RASGRF1: variants seen among roughly 807,000 people sequenced by gnomAD.
RASGRF1 encodes Ras protein specific guanine nucleotide releasing factor 1, also known as ras-specific guanine nucleotide-releasing factor 1.
Under a neutral mutation model 138.7 loss-of-function variants are expected in RASGRF1, and 40 were observed. The ratio of observed to expected loss-of-function variants is 0.29; its 90% CI spans 0.22 to 0.38. The LOEUF (loss-of-function observed/expected upper bound fraction) is 0.38. Among genes scored for constraint, RASGRF1 ranks in the 10% least tolerant of loss-of-function variants. The probability of loss-of-function intolerance (pLI) is 1.00; values close to 1 mark genes in which losing one functional copy is unlikely to be tolerated. For synonymous variants in RASGRF1, 614 were observed against 663.2 expected (o/e 0.93, Z 1.14); for missense variants, 1,108 against 1,650.4 (o/e 0.67, Z 5.69).
In RASGRF1 at chr15:78,985,187, A is replaced by G. The variant is rs1170701193; in HGVS notation, c.3234T>C (p.Ala1078=). The stretch of plus-strand genomic sequence containing the variant: ...TGTCCTCATTGCGGATGATTTCTGA[A>G]GCAATCAAGTTACTGATCTTTAAGC... ...KHFNDISNLI[A]SEIIRNEDIN... is the part of the protein sequence containing the mutation. Residue 1078 remains alanine, a synonymous_variant, in exon 23 of 27, where the codon GCT becomes GCC. Coordinates refer to ENST00000558480, the MANE Select transcript of RASGRF1 (RefSeq NM_001145648.3). 41 of 1,608,314 alleles carry G rather than the reference A, an allele frequency of 2.5e-5. No individual in the cohort carries two copies. Among genetic ancestry groups the G allele is most frequent in the Non-Finnish European group, 3.4e-5 (40 of 1,174,880 alleles).
At chr15:78,978,215 C>CTTTTTTTTTTTTTTTTTTTTTTTTT (rs2055915117) in intron 24 of RASGRF1, among the ~76,000 whole-genome samples, 1 of 79,342 alleles carries the variant, frequency 1.3e-5, no homozygotes, top group African/African-American at 5.1e-5. Flanking sequence ...TTTTTCTTTT[C>CTTTTTTTTTTTTTTTTTTTTTTTTT]TTTTGTTTTT....
At chr15:79,041,586 C>CA (rs2057298003) in intron 5 of RASGRF1, among the ~76,000 whole-genome samples, 1 of 152,144 alleles carries the variant, frequency 6.6e-6, no homozygotes, top group Non-Finnish European at 1.5e-5. Context: ...AAGAGTAGGA[C>CA]TGCTGTTGGA....
At chr15:79,052,623 C>T (rs943777411) in intron 3 of RASGRF1, among the ~76,000 whole-genome samples, 3 of 152,222 alleles carry the variant, frequency 2.0e-5, no homozygotes, top group African/African-American at 7.2e-5. Flanking sequence ...CAGAACAGAG[C>T]TGTGTACCCA....
intron 3 of RASGRF1, among the ~76,000 whole-genome samples, chr15:79,051,981 A>G (rs78342966): frequency 1.3e-4 from 20 of 152,204 alleles, no homozygotes; most frequent in African/African-American, 4.6e-4. Flanking sequence ...CTGGAAGTAG[A>G]TTTTGCTTTG....
At chr15:79,054,230 C>T (rs1294704779) in intron 3 of RASGRF1, among the ~76,000 whole-genome samples, 3 of 151,432 alleles carry the variant, frequency 2.0e-5, no homozygotes, top group Non-Finnish European at 4.4e-5. Context: ...AAAAGTGGCA[C>T]GTGGGAGTGT....
At chr15:79,085,578 T>C (rs1047481569) in intron 1 of RASGRF1, among the ~76,000 whole-genome samples, 1 of 152,208 alleles carries the variant, frequency 6.6e-6, no homozygotes, top group Non-Finnish European at 1.5e-5. Flanking sequence ...AGGTTGAATG[T>C]GCTATAACTC....
intron 20 of RASGRF1, among the ~76,000 whole-genome samples, chr15:78,993,482 A>C (rs1308499680): frequency 2.0e-5 from 3 of 151,884 alleles, no homozygotes; most frequent in Non-Finnish European, 2.9e-5. Flanking sequence ...CAGGTGCAGG[A>C]ACATGGGTGT....
intron 5 of RASGRF1, among the ~76,000 whole-genome samples, chr15:79,039,608 G>A (rs1021582457): frequency 2.0e-5 from 3 of 152,064 alleles, no homozygotes; most frequent in Non-Finnish European, 2.9e-5. Context: ...ACATCTTTAC[G>A]ACACACATCT....
chr15:78,997,512 C>T (rs928266840), intron 19 of RASGRF1, among the ~76,000 whole-genome samples: 1 of 152,084 alleles, frequency 6.6e-6, no homozygotes, highest in African/African-American at 2.4e-5. Context: ...GTGGGCAGAT[C>T]GCCTGAGGTC....
At position 78,980,436 on chromosome 15, in the gene RASGRF1, G is replaced by A. The variant is rs185345311; in HGVS notation, c.3494+184C>T. The A allele has an allele frequency of 8.9e-5, 41 of 460,818 alleles. 1 individual carries two copies. The Admixed American group carries it at 1.2e-3, about 13-fold the overall frequency. 28.5% of individuals were successfully genotyped at this position (460,818 alleles called of 1,614,324 possible). The stretch of plus-strand genomic sequence containing the variant: ...TCAGGAAATGCTAGCAAACTCTGGA[G>A]TTTCTCTGGCAGACCATGGAGGACT... On this transcript the variant is annotated intron_variant, in intron 24 of 26. Coordinates refer to ENST00000558480, the MANE Select transcript of RASGRF1 (RefSeq NM_001145648.3).
chr15:78,978,220 G>GTTTTTTTTTTTTT (rs71148584), intron 24 of RASGRF1, among the ~76,000 whole-genome samples: 2 of 125,098 alleles, frequency 1.6e-5, no homozygotes, highest in African/African-American at 8.1e-5. Flanking sequence ...CTTTTCTTTT[G>GTTTTTTTTTTTTT]TTTTTTTTTT....
chr15:78,990,038 C>A (rs1393885740), intron 22 of RASGRF1, 151 bp downstream of exon 22: 3 of 685,710 alleles, frequency 4.4e-6, no homozygotes, highest in Admixed American at 2.4e-5. Flanking sequence ...GTGAGGCAAC[C>A]AGCCCGAGGC....
intron 2 of RASGRF1, among the ~76,000 whole-genome samples, chr15:79,061,413 A>ATATATATATAT (rs1567598878): frequency 0.033 from 3,889 of 116,952 alleles, 102 homozygotes; most frequent in Non-Finnish European, 0.04. Context: ...CTATCTTTAA[A>ATATATATATAT]ATATATATAT....
At chr15:79,066,947 T>C (rs964288127) in intron 1 of RASGRF1, among the ~76,000 whole-genome samples, 2 of 152,112 alleles carry the variant, frequency 1.3e-5, no homozygotes, top group African/African-American at 4.8e-5. Context: ...CATCTGCCCG[T>C]CTACTCCATC....
At chr15:79,086,575 ACC>A (rs35311944) in intron 1 of RASGRF1, among the ~76,000 whole-genome samples, 64,942 of 134,618 alleles carry the variant, frequency 0.48, 14,412 homozygotes, top group African/African-American at 0.55. Flanking sequence ...AGGTTCTAAG[ACC>A]CCCCCCCCCC....
Position 78,961,621 on chromosome 15 carries a change from G to A in RASGRF1, c.*523C>T, listed in dbSNP as rs1256370623. 1.3e-5 allele frequency: 2 copies of A among 154,520 alleles called. No homozygotes were observed. Among genetic ancestry groups the A allele is most frequent in the East Asian group, 3.8e-4 (2 of 5,260 alleles). The allele number at this position is 154,520 out of a possible 1,614,324, so 9.6% of individuals were successfully genotyped here. The stretch of plus-strand genomic sequence containing the variant: ...AGACACATGGGGAGTTTTGAGACCT[G>A]CGATTTTGGCTGGAGAAGCTGCTTT... On this transcript the variant is annotated 3_prime_UTR_variant, in exon 27 of 27. Transcript: ENST00000558480.
intron 1 of RASGRF1, among the ~76,000 whole-genome samples, chr15:79,075,231 C>T (rs1181375390): frequency 6.6e-6 from 1 of 152,202 alleles, no homozygotes; most frequent in African/African-American, 2.4e-5. Context: ...TACCTGCGAC[C>T]TACCAGGCTC....
At chr15:78,962,894 AT>A (rs1320615597) in intron 26 of RASGRF1, among the ~76,000 whole-genome samples, 1 of 152,192 alleles carries the variant, frequency 6.6e-6, no homozygotes, top group Non-Finnish European at 1.5e-5. Flanking sequence ...ATAAAATAAA[AT>A]AAAAAGTTTT....
chr15:79,081,067 G>T (rs1331490537), intron 1 of RASGRF1, among the ~76,000 whole-genome samples: 2 of 152,212 alleles, frequency 1.3e-5, no homozygotes, highest in Non-Finnish European at 2.9e-5. Context: ...ATCTGAAAAG[G>T]TGCTTTATCT....
Sources: allele counts gnomAD v4.1 joint callset (sites outside exome capture counted in the v4.1 genomes callset), GRCh38; gene constraint gnomAD v4.1.1; transcripts MANE v1.5; gene names NCBI Gene and HGNC (gene_info 2026-07-23, HGNC 2026-07-21).